The following MAF variants were observed in gnomAD, a reference collection of about 807,000 sequenced individuals.
The protein encoded by MAF is transcription factor Maf.
In MAF, 10 loss-of-function variants were observed where a neutral mutation model predicts 22.0. The ratio of observed to expected loss-of-function variants is 0.45; its 90% CI spans 0.28 to 0.77. The LOEUF (loss-of-function observed/expected upper bound fraction) is 0.77. Ranked by LOEUF, MAF falls within the 30% of genes least tolerant of loss-of-function variation. The probability of loss-of-function intolerance (pLI) is 0.12; values close to 1 mark genes in which losing one functional copy is unlikely to be tolerated. For synonymous variants in MAF, 337 were observed against 255.8 expected, an observed-to-expected ratio of 1.32 and a Z score of -3.03; for missense variants, 544 against 548.4, an observed-to-expected ratio of 0.99 and a Z score of 0.08.
At chr16:79,426,620 C>G in the MAF span, among the ~76,000 whole-genome samples, 2 of 152,310 alleles carry the variant, frequency 1.3e-5, no homozygotes, top group Non-Finnish European at 2.9e-5. Context: ...AAACAGAACA[C>G]AGATTCCCCG....
chr16:79,362,780 C>T, the MAF span, among the ~76,000 whole-genome samples: 3 of 152,196 alleles, frequency 2.0e-5, no homozygotes, highest in African/African-American at 7.2e-5. Context: ...GTGGTTTCCA[C>T]AATGGGAACA....
At chr16:79,230,631 T>C in the MAF span, among the ~76,000 whole-genome samples, 1 of 152,138 alleles carries the variant, frequency 6.6e-6, no homozygotes, top group Non-Finnish European at 1.5e-5. Context: ...TGAAAATGCA[T>C]ACTACACATG....
At chr16:79,335,425 A>G in the MAF span, among the ~76,000 whole-genome samples, 2 of 152,218 alleles carry the variant, frequency 1.3e-5, no homozygotes, top group African/African-American at 4.8e-5. Flanking sequence ...TGAAATGTGC[A>G]TTTGAAATTT....
chr16:79,320,612 G>A, the MAF span, among the ~76,000 whole-genome samples: 1 of 152,202 alleles, frequency 6.6e-6, no homozygotes, highest in Non-Finnish European at 1.5e-5. Context: ...TCTAATCCCA[G>A]CTCCTTCACT....
the MAF span, among the ~76,000 whole-genome samples, chr16:79,517,785 G>C: frequency 6.6e-6 from 1 of 152,050 alleles, no homozygotes; most frequent in Non-Finnish European, 1.5e-5. Flanking sequence ...ATGTTGGCCA[G>C]GCTGGTCTCA....
intron 1 of MAF, chr16:79,598,187 G>A (rs748758081): frequency 2.5e-4 from 267 of 1,052,334 alleles, no homozygotes; most frequent in Non-Finnish European, 2.9e-4. Flanking sequence ...TTTCATCTCG[G>A]AAGAGATGGG....
the MAF span, among the ~76,000 whole-genome samples, chr16:79,318,614 T>C: frequency 6.6e-6 from 1 of 152,190 alleles, no homozygotes; most frequent in Non-Finnish European, 1.5e-5. Context: ...ACATCACTAG[T>C]TCTGGGAAGG....
intron 1 of MAF, chr16:79,596,219 G>C: frequency 9.4e-7 from 1 of 1,060,820 alleles, no homozygotes; most frequent in Non-Finnish European, 1.1e-6. Flanking sequence ...CCTACCAAGG[G>C]CAATTATGGC....
chr16:79,448,144 T>C, the MAF span, among the ~76,000 whole-genome samples: 1 of 152,202 alleles, frequency 6.6e-6, no homozygotes, highest in Admixed American at 6.5e-5. Context: ...AAAGGAATTC[T>C]GCTGTGGGTA....
At chr16:79,239,260 C>T in the MAF span, among the ~76,000 whole-genome samples, 11 of 152,030 alleles carry the variant, frequency 7.2e-5, no homozygotes, top group South Asian at 8.3e-4. Context: ...CTAGTTTGTG[C>T]GCAGTGATTG....
chr16:79,514,092 A>T, the MAF span, among the ~76,000 whole-genome samples: 68 of 152,310 alleles, frequency 4.5e-4, no homozygotes, highest in African/African-American at 1.6e-3. Flanking sequence ...TGAAATGTTT[A>T]ACAGTTGTTT....
At chr16:79,445,646 G>C in the MAF span, among the ~76,000 whole-genome samples, 2 of 152,216 alleles carry the variant, frequency 1.3e-5, no homozygotes, top group African/African-American at 4.8e-5. Context: ...CTTCCATGGA[G>C]TCAGGGAAGG....
chr16:79,280,707 C>T, the MAF span, among the ~76,000 whole-genome samples: 57 of 152,308 alleles, frequency 3.7e-4, no homozygotes, highest in African/African-American at 1.3e-3. Flanking sequence ...TCAGCTGAAC[C>T]CACATCTCCA....
the MAF span, among the ~76,000 whole-genome samples, chr16:79,211,337 ATG>A: frequency 6.6e-6 from 1 of 152,176 alleles, no homozygotes; most frequent in Non-Finnish European, 1.5e-5. Flanking sequence ...ACGTATTGAT[ATG>A]TGTATTTATT....
chr16:79,552,424 G>A, the MAF span, among the ~76,000 whole-genome samples: 4 of 152,088 alleles, frequency 2.6e-5, no homozygotes, highest in Non-Finnish European at 5.9e-5. Context: ...GCCCCAGCTG[G>A]TCTTGAACTC....
the MAF span, among the ~76,000 whole-genome samples, chr16:79,462,262 A>C: frequency 5.3e-5 from 8 of 152,204 alleles, no homozygotes; most frequent in African/African-American, 1.9e-4. Context: ...CAGTTCTATG[A>C]GGGAGGCACT....
chr16:79,351,299 G>C, the MAF span, among the ~76,000 whole-genome samples: 1 of 152,192 alleles, frequency 6.6e-6, no homozygotes, highest in African/African-American at 2.4e-5. Flanking sequence ...TTAACAAGGA[G>C]TAGAGGTAGC....
At chr16:79,304,423 C>T in the MAF span, among the ~76,000 whole-genome samples, 37 of 152,226 alleles carry the variant, frequency 2.4e-4, no homozygotes, top group African/African-American at 7.5e-4. Flanking sequence ...TTTAATCTTC[C>T]CATTCCAGAG....
At chr16:79,275,064 G>C in the MAF span, among the ~76,000 whole-genome samples, 2 of 152,196 alleles carry the variant, frequency 1.3e-5, no homozygotes, top group Non-Finnish European at 2.9e-5. Flanking sequence ...CATCTAAAAA[G>C]AGTAATAGAG....
Sources: gnomAD v4.1 joint callset for allele counts (sites outside exome capture counted in the v4.1 genomes callset) on GRCh38, gnomAD v4.1.1 for gene constraint, MANE v1.5 for transcripts, NCBI Gene and HGNC (gene_info 2026-07-23, HGNC 2026-07-21) for gene names.